PKN2: variants seen among roughly 807,000 people sequenced by gnomAD.
PKN2 encodes protein kinase N2, also known as serine/threonine-protein kinase N2.
Under a neutral mutation model 119.1 loss-of-function variants are expected in PKN2, and 38 were observed. That is an observed-to-expected ratio of 0.32 (90% CI 0.25 to 0.42). The LOEUF is 0.42. PKN2 is among the 10% of genes least tolerant of loss of function. The pLI, the probability that PKN2 is intolerant of heterozygous loss-of-function variation, is 1.00. For synonymous variants in PKN2, 390 were observed against 384.9 expected (o/e 1.01, Z -0.15); for missense variants, 850 against 1,165.1 (o/e 0.73, Z 3.94).
chr1:88,722,606 C>T (rs567646447), intron 1 of PKN2, among the ~76,000 whole-genome samples: 1 of 151,890 alleles, frequency 6.6e-6, no homozygotes, highest in South Asian at 2.1e-4. Flanking sequence ...CAGTGAGACC[C>T]CATCTCTACA....
intron 1 of PKN2, among the ~76,000 whole-genome samples, chr1:88,733,927 A>G (rs1570550287): frequency 6.6e-6 from 1 of 152,298 alleles, no homozygotes; most frequent in South Asian, 2.1e-4. Flanking sequence ...GGGGGGGTCA[A>G]GGCAGGAGGA....
intron 1 of PKN2, among the ~76,000 whole-genome samples, chr1:88,720,921 T>C (rs969478615): frequency 1.3e-5 from 2 of 152,226 alleles, no homozygotes; most frequent in East Asian, 3.8e-4. Flanking sequence ...AATAGTTGTC[T>C]CCGATTCTAT....
At position 88,786,230 on chromosome 1, in the gene PKN2, T is replaced by G. The variant is rs775823996; in HGVS notation, c.1281+17T>G. 1 of 1,181,998 alleles carries G rather than the reference T, an allele frequency of 8.5e-7. No homozygotes were observed. The highest frequency in any genetic ancestry group is 2.4e-5 in the East Asian group (1 of 42,462). 73.2% of individuals were successfully genotyped at this position (1,181,998 alleles called of 1,614,324 possible). ...CTGGACAGGGTAAGAGGACTAACAT[T>G]TTACTTGAATTTTAATTATAATTCA... On this transcript the variant is annotated intron_variant, in intron 8 of 21. Coordinates refer to ENST00000370521, the MANE Select transcript of PKN2 (RefSeq NM_006256.4).
chr1:88,785,980 TATTG>T (rs1370669893), intron 7 of PKN2, 120 bp from the exon 8 acceptor site: 10 of 589,480 alleles, frequency 1.7e-5, no homozygotes, highest in Admixed American at 3.2e-5. Context: ...AAAGTTTTAA[TATTG>T]ATTATGAAAA....
At position 88,687,439 on chromosome 1, in the gene PKN2, A is replaced by G. The variant is rs529512228; in HGVS notation, c.48+2811A>G. On this transcript the variant is annotated intron_variant, in intron 1 of 21. Coordinates refer to ENST00000370521, the MANE Select transcript of PKN2 (RefSeq NM_006256.4). ...CTTTTTTTATTTGAAGTATAGCAGA[A>G]AACAGACATTTTTGCAATGCCAAAG... 9.8e-5 allele frequency among the ~76,000 whole-genome samples: 15 copies of G among 152,346 alleles called. No individual in the cohort carries two copies. In the East Asian group the frequency reaches 2.9e-3, roughly 29 times the overall value.
At chr1:88,799,996 G>T (rs1267316766) in intron 8 of PKN2, among the ~76,000 whole-genome samples, 1 of 152,154 alleles carries the variant, frequency 6.6e-6, no homozygotes, top group Non-Finnish European at 1.5e-5. Context: ...CTCAGCTCTT[G>T]AATTTTCCAG....
intron 6 of PKN2, among the ~76,000 whole-genome samples, chr1:88,773,432 A>G (rs1669972099): frequency 6.6e-6 from 1 of 152,090 alleles, no homozygotes; most frequent in Non-Finnish European, 1.5e-5. Context: ...CCTGGCCTCA[A>G]GTGATCTGCA....
At chr1:88,810,323 T>C (rs1353886085) in intron 15 of PKN2, among the ~76,000 whole-genome samples, 1 of 151,708 alleles carries the variant, frequency 6.6e-6, no homozygotes, top group Non-Finnish European at 1.5e-5. Flanking sequence ...GGTTTCACCA[T>C]GTTAGCCAGG....
At chr1:88,764,866 G>C (rs1366228504) in intron 3 of PKN2, among the ~76,000 whole-genome samples, 2 of 152,080 alleles carry the variant, frequency 1.3e-5, no homozygotes, top group African/African-American at 4.8e-5. Context: ...ATCTCTGGGG[G>C]CTTGATAAGA....
At chr1:88,831,040 A>G (rs765604711) in intron 19 of PKN2, among the ~76,000 whole-genome samples, 6 of 151,898 alleles carry the variant, frequency 4.0e-5, no homozygotes, top group Non-Finnish European at 7.4e-5. Context: ...TACTGGAAAG[A>G]CTCCAGGAAT....
chr1:88,739,531 A>C (rs1302553099), intron 1 of PKN2, among the ~76,000 whole-genome samples: 1 of 152,202 alleles, frequency 6.6e-6, no homozygotes, highest in East Asian at 1.9e-4. Context: ...TTCTCAAAAA[A>C]TTAAAGAAAA....
At chr1:88,727,679 G>A (rs572634558) in intron 1 of PKN2, among the ~76,000 whole-genome samples, 83 of 152,200 alleles carry the variant, frequency 5.5e-4, no homozygotes, top group African/African-American at 1.9e-3. Flanking sequence ...GTGTTTCTCC[G>A]TATATCACTC....
intron 1 of PKN2, among the ~76,000 whole-genome samples, chr1:88,709,795 C>A (rs956704119): frequency 2.4e-4 from 37 of 152,160 alleles, no homozygotes; most frequent in African/African-American, 8.7e-4. Flanking sequence ...TGCTGGGTCT[C>A]CAGTTGAACA....
At chr1:88,698,742 CATT>C (rs1337627818) in intron 1 of PKN2, among the ~76,000 whole-genome samples, 3 of 152,148 alleles carry the variant, frequency 2.0e-5, no homozygotes, top group Non-Finnish European at 4.4e-5. Context: ...CTGGAATTGA[CATT>C]ATAATTTTAA....
chr1:88,757,599 T>C (rs1380821244), intron 2 of PKN2, among the ~76,000 whole-genome samples: 1 of 152,034 alleles, frequency 6.6e-6, no homozygotes, highest in Non-Finnish European at 1.5e-5. Flanking sequence ...AACTTGCAGT[T>C]TAGGCAGTTT....
chr1:88,804,365 TTTA>T (rs752398119), intron 8 of PKN2, 23 bp from the exon 9 acceptor site: 1 of 1,550,034 alleles, frequency 6.5e-7, no homozygotes, highest in Admixed American at 1.9e-5. Flanking sequence ...TTCTGTTTTC[TTTA>T]TTATTTTTTT....
chr1:88,774,308 T>G (rs1670003980), intron 6 of PKN2, among the ~76,000 whole-genome samples: 1 of 152,232 alleles, frequency 6.6e-6, no homozygotes. Context: ...GCCACATGAT[T>G]GAATTCAATC....
At chr1:88,759,360 C>T (rs1173705026) in intron 2 of PKN2, among the ~76,000 whole-genome samples, 4 of 152,182 alleles carry the variant, frequency 2.6e-5, no homozygotes, top group Non-Finnish European at 5.9e-5. Context: ...AAGACTCTGT[C>T]TCAGAAAGAA....
At chr1:88,688,117 G>A (rs1050180888) in intron 1 of PKN2, among the ~76,000 whole-genome samples, 2 of 150,466 alleles carry the variant, frequency 1.3e-5, no homozygotes, top group East Asian at 2.0e-4. Context: ...ACGGAGTCTC[G>A]CACTGTCACC....
Sources: gnomAD v4.1 joint callset for allele counts (sites outside exome capture counted in the v4.1 genomes callset) on GRCh38, gnomAD v4.1.1 for gene constraint, MANE v1.5 for transcripts, NCBI Gene and HGNC (gene_info 2026-07-23, HGNC 2026-07-21) for gene names.